Variants in COL5A2 observed in about 807,000 individuals in gnomAD.
The protein encoded by COL5A2 is collagen alpha-2(V) chain.
A neutral mutation model predicts 208.2 loss-of-function variants in COL5A2; 23 were observed. That is an observed-to-expected ratio of 0.11 (90% CI 0.08 to 0.16). The LOEUF (loss-of-function observed/expected upper bound fraction) is 0.16. COL5A2 is among the 10% of genes least tolerant of loss of function. COL5A2 has a pLI of 1.00. For missense variants in COL5A2, 1,590 were observed against 1,956.4 expected, an observed-to-expected ratio of 0.81 and a Z score of 3.53; for synonymous variants, 625 against 628.5, an observed-to-expected ratio of 0.99 and a Z score of 0.08.
chr2:189,285,970 T>C, the COL5A2 span, among the ~76,000 whole-genome samples: 1 of 152,132 alleles, frequency 6.6e-6, no homozygotes, highest in Non-Finnish European at 1.5e-5. Flanking sequence ...AATATCACAT[T>C]TGACAAATGT....
At chr2:189,136,161 A>G (rs1687822709) in intron 1 of COL5A2, among the ~76,000 whole-genome samples, 1 of 152,228 alleles carries the variant, frequency 6.6e-6, no homozygotes, top group African/African-American at 2.4e-5. Context: ...TATTTATCAG[A>G]TTAATTTTTA....
At chr2:189,432,990 C>G in the COL5A2 span, among the ~76,000 whole-genome samples, 44 of 152,262 alleles carry the variant, frequency 2.9e-4, no homozygotes, top group Middle Eastern at 0.02. Context: ...TCTCTCAGAC[C>G]ACAGTGCAAT....
chr2:189,398,643 C>A, the COL5A2 span, among the ~76,000 whole-genome samples: 1 of 152,030 alleles, frequency 6.6e-6, no homozygotes, highest in Non-Finnish European at 1.5e-5. Context: ...TTCATTCGAC[C>A]TTTCACTGTG....
At chr2:189,414,303 T>C in the COL5A2 span, among the ~76,000 whole-genome samples, 2 of 152,096 alleles carry the variant, frequency 1.3e-5, no homozygotes, top group Admixed American at 1.3e-4. Flanking sequence ...ATATTGTAAA[T>C]ATAAACATTT....
intron 45 of COL5A2, among the ~76,000 whole-genome samples, chr2:189,046,342 A>G (rs989040133): frequency 2.0e-5 from 3 of 152,194 alleles, no homozygotes; most frequent in Non-Finnish European, 4.4e-5. Context: ...TCAGAAAACT[A>G]TATTTTGATT....
the COL5A2 span, among the ~76,000 whole-genome samples, chr2:189,285,216 A>G: frequency 6.6e-6 from 1 of 152,014 alleles, no homozygotes; most frequent in Non-Finnish European, 1.5e-5. Flanking sequence ...GAATGTGAGC[A>G]TCTTCTTCTG....
Position 189,053,561 on chromosome 2 carries a change from ATAGT to A in COL5A2, c.2500-88_2500-85del, listed in dbSNP as rs1248930825. The A allele has an allele frequency of 8.5e-6, 10 of 1,181,532 alleles. No individual in the cohort carries two copies. The African/African-American group carries it at 1.5e-4, about 18-fold the overall frequency. 73.2% of individuals were successfully genotyped at this position (1,181,532 alleles called of 1,614,324 possible). A position where few individuals can be genotyped will look rare whatever the true frequency, so the allele number is the denominator to read the frequency against. ...TTTAAAATATGATCATATAAATCTG[ATAGT>A]TAGACATGTAAATATAGAAAAATTA... On this transcript the variant is annotated intron_variant, in intron 37 of 53. Coordinates refer to ENST00000374866, the MANE Select transcript of COL5A2 (RefSeq NM_000393.5).
At chr2:189,331,965 A>T in the COL5A2 span, among the ~76,000 whole-genome samples, 1 of 151,596 alleles carries the variant, frequency 6.6e-6, no homozygotes, top group Non-Finnish European at 1.5e-5. Flanking sequence ...AAAAAAAAAA[A>T]CTGGTGACAA....
intron 1 of COL5A2, among the ~76,000 whole-genome samples, chr2:189,197,333 T>C (rs191602933): frequency 1.0e-3 from 154 of 152,202 alleles, no homozygotes; most frequent in Middle Eastern, 3.4e-3. Flanking sequence ...AGCTAATGCA[T>C]GTGGGGCTTA....
At chr2:189,176,397 TC>T (rs1688679100) in intron 1 of COL5A2, among the ~76,000 whole-genome samples, 1 of 152,180 alleles carries the variant, frequency 6.6e-6, no homozygotes, top group Non-Finnish European at 1.5e-5. Flanking sequence ...CTGGCTTGCT[TC>T]ACTTGTTTAT....
chr2:189,265,428 C>T, the COL5A2 span, among the ~76,000 whole-genome samples: 2 of 152,110 alleles, frequency 1.3e-5, no homozygotes, highest in African/African-American at 4.8e-5. Context: ...GTAGACACAG[C>T]CTTCCAATCT....
the COL5A2 span, among the ~76,000 whole-genome samples, chr2:189,434,357 G>A: frequency 2.6e-5 from 4 of 152,076 alleles, no homozygotes; most frequent in Admixed American, 2.0e-4. Flanking sequence ...AAGAAATAAA[G>A]GGTATTCAAT....
chr2:189,440,867 G>A, the COL5A2 span, among the ~76,000 whole-genome samples: 2 of 152,186 alleles, frequency 1.3e-5, no homozygotes, highest in African/African-American at 4.8e-5. Flanking sequence ...CGCTGCGGAA[G>A]ATGCACCAGA....
At chr2:189,054,620 A>G (rs1685862121) in intron 35 of COL5A2, among the ~76,000 whole-genome samples, 2 of 151,694 alleles carry the variant, frequency 1.3e-5, no homozygotes, top group South Asian at 4.1e-4. Flanking sequence ...TTCTTAAATT[A>G]TAATAGCAAA....
At chr2:189,392,444 T>C in the COL5A2 span, among the ~76,000 whole-genome samples, 1 of 152,208 alleles carries the variant, frequency 6.6e-6, no homozygotes, top group Non-Finnish European at 1.5e-5. Context: ...GTCCCTTTTC[T>C]TTAACTCATA....
At chr2:189,289,140 G>A in the COL5A2 span, among the ~76,000 whole-genome samples, 4 of 151,958 alleles carry the variant, frequency 2.6e-5, no homozygotes, top group South Asian at 2.1e-4. Flanking sequence ...TCAGGAGTTC[G>A]AAACCAGCCT....
intron 1 of COL5A2, among the ~76,000 whole-genome samples, chr2:189,140,069 T>C (rs1687907075): frequency 1.3e-5 from 2 of 151,654 alleles, no homozygotes; most frequent in Admixed American, 6.6e-5. Flanking sequence ...AGAGACTCTA[T>C]CTCAAAAAAA....
chr2:189,438,436 T>G, the COL5A2 span, among the ~76,000 whole-genome samples: 1 of 152,202 alleles, frequency 6.6e-6, no homozygotes, highest in Non-Finnish European at 1.5e-5. Flanking sequence ...GTATTATGCA[T>G]AATTTCTAAA....
At chr2:189,109,764 G>A (rs1026245590) in intron 2 of COL5A2, among the ~76,000 whole-genome samples, 11 of 152,086 alleles carry the variant, frequency 7.2e-5, no homozygotes, top group African/African-American at 1.2e-4. Flanking sequence ...CTGCATTTAA[G>A]AGCCAATGTA....
Sources: gnomAD v4.1 joint callset for allele counts (sites outside exome capture counted in the v4.1 genomes callset) on GRCh38, gnomAD v4.1.1 for gene constraint, MANE v1.5 for transcripts, NCBI Gene and HGNC (gene_info 2026-07-23, HGNC 2026-07-21) for gene names.